Variants in NGEF observed in about 807,000 individuals in gnomAD.
NGEF encodes the protein ephexin-1.
NGEF carries 31 observed loss-of-function variants against 80.9 expected under a neutral mutation model. That is an observed-to-expected ratio of 0.38 (90% CI 0.29 to 0.52). NGEF has a LOEUF of 0.52. NGEF is among the 20% of genes least tolerant of loss of function. The pLI is 0.84. For missense variants in NGEF, 709 were observed against 926.2 expected, an observed-to-expected ratio of 0.77 and a Z score of 3.04; for synonymous variants, 371 against 370.2, an observed-to-expected ratio of 1.00 and a Z score of -0.03.
intron 5 of NGEF, among the ~76,000 whole-genome samples, chr2:232,896,576 G>T (rs1692073168): frequency 8.8e-6 from 1 of 113,304 alleles, no homozygotes. Context: ...GAGGGTGAAG[G>T]TAGGGGTGAG....
At chr2:232,938,396 C>T (rs1693369788) in intron 3 of NGEF, among the ~76,000 whole-genome samples, 1 of 152,108 alleles carries the variant, frequency 6.6e-6, no homozygotes, top group South Asian at 2.1e-4. Flanking sequence ...CCAGATAACT[C>T]GTGGATAAGA....
In NGEF at chr2:232,944,107, A is replaced by G. The variant is rs1259928685; in HGVS notation, c.384-16921T>C. Among the ~76,000 whole-genome samples the G allele has an allele frequency of 2.0e-5, 3 of 151,954 alleles. No homozygotes were observed. The East Asian group carries it at 5.9e-4, about 30-fold the overall frequency. ...AATTAGCCAGGCATGGTGGTCACAC[A>G]CCTGTAATCCCAGCTACTTGGGAGG... On this transcript the variant is annotated intron_variant, in intron 3 of 14. Coordinates refer to ENST00000264051, the MANE Select transcript of NGEF (RefSeq NM_019850.3).
chr2:232,917,851 GCAACCT>G (rs1692843256), intron 5 of NGEF, among the ~76,000 whole-genome samples: 1 of 152,146 alleles, frequency 6.6e-6, no homozygotes, highest in Non-Finnish European at 1.5e-5. Context: ...TCGGCGCACT[GCAACCT>G]CCACCTCCTG....
At chr2:232,937,840 CT>C (rs1693358542) in intron 3 of NGEF, among the ~76,000 whole-genome samples, 1 of 152,198 alleles carries the variant, frequency 6.6e-6, no homozygotes, top group Admixed American at 6.5e-5. Flanking sequence ...CAGGTAATGG[CT>C]TCTGCGATTG....
At chr2:232,919,662 C>A (rs962857220) in intron 5 of NGEF, among the ~76,000 whole-genome samples, 1 of 152,148 alleles carries the variant, frequency 6.6e-6, no homozygotes, top group African/African-American at 2.4e-5. Context: ...TTATTTCTCC[C>A]TGCTAGCAAC....
chr2:232,897,914 C>T (rs111627129), intron 5 of NGEF, among the ~76,000 whole-genome samples: 3,841 of 152,270 alleles, frequency 0.025, 168 homozygotes, highest in African/African-American at 0.088. Context: ...GCCATCCCCA[C>T]GTCGCATCTG....
intron 3 of NGEF, among the ~76,000 whole-genome samples, chr2:232,939,007 A>G (rs974860551): frequency 4.6e-5 from 7 of 151,812 alleles, no homozygotes; most frequent in Non-Finnish European, 1.0e-4. Context: ...GTGAAACTCC[A>G]TCTCTACTAA....
At chr2:232,893,873 G>A (rs1402539932) in intron 6 of NGEF, among the ~76,000 whole-genome samples, 1 of 152,228 alleles carries the variant, frequency 6.6e-6, no homozygotes, top group Non-Finnish European at 1.5e-5. Context: ...ACCAGAAGGC[G>A]CTGCCACGAA....
At position 232,879,468 on chromosome 2, in the gene NGEF, C is replaced by CGGA. The variant is rs1487740490; in HGVS notation, c.*20_*21insTCC. 1 of 1,595,318 alleles carries CGGA rather than the reference C, an allele frequency of 6.3e-7. No individual in the cohort carries two copies. Among genetic ancestry groups the CGGA allele is most frequent in the African/African-American group, 1.3e-5 (1 of 74,534 alleles). ...CGGGGTCTCATGCAGGCCCTGCTCC[C>CGGA]GCTGGCCCCCTGGGTGGGGGTCATT... On this transcript the variant is annotated 3_prime_UTR_variant, in exon 15 of 15. Coordinates refer to ENST00000264051, the MANE Select transcript of NGEF (RefSeq NM_019850.3).
chr2:232,885,234 G>A, intron 10 of NGEF, 46 bp downstream of exon 10: 1 of 1,558,100 alleles, frequency 6.4e-7, no homozygotes, highest in Non-Finnish European at 8.8e-7. Context: ...GGCGGGGCCA[G>A]GGGCCTGTGC....
intron 3 of NGEF, among the ~76,000 whole-genome samples, chr2:232,951,569 A>G (rs1369115194): frequency 6.6e-6 from 1 of 152,200 alleles, no homozygotes; most frequent in South Asian, 2.1e-4. Context: ...CGGCAGTGTC[A>G]GGCTTTAGGG....
chr2:233,001,919 G>C (rs1694986996), intron 1 of NGEF, among the ~76,000 whole-genome samples: 1 of 152,202 alleles, frequency 6.6e-6, no homozygotes, highest in East Asian at 1.9e-4. Context: ...GGAGGCTGAG[G>C]CAGGAGAATT....
At chr2:232,888,238 GCA>G in intron 8 of NGEF, 131 bp from the exon 9 acceptor site, 1 of 357,388 alleles carries the variant, frequency 2.8e-6, no homozygotes, top group Non-Finnish European at 5.5e-6. Flanking sequence ...ACACACACAC[GCA>G]CGCACGCACA....
At chr2:232,978,072 C>T (rs1477556779) in intron 1 of NGEF, among the ~76,000 whole-genome samples, 1 of 151,878 alleles carries the variant, frequency 6.6e-6, no homozygotes, top group South Asian at 2.1e-4. Context: ...AAATCCCTAA[C>T]CGACACTGGA....
At chr2:232,926,105 T>C (rs952425529) in intron 4 of NGEF, among the ~76,000 whole-genome samples, 3 of 152,164 alleles carry the variant, frequency 2.0e-5, no homozygotes, top group Non-Finnish European at 4.4e-5. Context: ...ACTTCCCCAC[T>C]GGAGACACGT....
intron 4 of NGEF, among the ~76,000 whole-genome samples, chr2:232,924,896 T>C (rs1173959513): frequency 6.6e-6 from 1 of 152,246 alleles, no homozygotes; most frequent in Non-Finnish European, 1.5e-5. Flanking sequence ...CTGGAGTTAC[T>C]GTGTTACACA....
In NGEF at chr2:232,892,275, G is replaced by A. The variant is rs937388376; in HGVS notation, c.1142+623C>T. Reference sequence around the variant, plus strand: ...GGTGGAAAAGCCAGTGAGGCGCAATGTGCAGACGCCACAACTGGAAAACTC... The same window carrying A: ...GGTGGAAAAGCCAGTGAGGCGCAATATGCAGACGCCACAACTGGAAAACTC... On this transcript the variant is annotated intron_variant, in intron 7 of 14. Coordinates refer to ENST00000264051, the MANE Select transcript of NGEF (RefSeq NM_019850.3). This position sits in a 1 kb window ranked among gnomAD's most constrained non-coding sequence, Gnocchi z 4.0. Among the ~76,000 whole-genome samples the A allele has an allele frequency of 6.6e-6, 1 of 152,268 alleles. No individual in the cohort carries two copies. Among genetic ancestry groups the A allele is most frequent in the African/African-American group, 2.4e-5 (1 of 41,544 alleles).
chr2:232,880,408 T>C (rs977500770), intron 14 of NGEF, among the ~76,000 whole-genome samples: 51 of 152,238 alleles, frequency 3.4e-4, no homozygotes, highest in Non-Finnish European at 4.1e-4. Context: ...CTAGTTATAT[T>C]CCATGGGAAG....
intron 5 of NGEF, among the ~76,000 whole-genome samples, chr2:232,919,024 A>C (rs1692874571): frequency 6.6e-6 from 1 of 152,216 alleles, no homozygotes; most frequent in Non-Finnish European, 1.5e-5. Flanking sequence ...GTCAAAGTCT[A>C]AACATTTTCC....
Sources: gnomAD v4.1 joint callset for allele counts (sites outside exome capture counted in the v4.1 genomes callset) on GRCh38, gnomAD v4.1.1 for gene constraint, Gnocchi (gnomAD v3.1) non-coding constraint, MANE v1.5 for transcripts, NCBI Gene and HGNC (gene_info 2026-07-23, HGNC 2026-07-21) for gene names.